TEKT1: variants seen among roughly 807,000 people sequenced by gnomAD.
The protein encoded by TEKT1 is tektin-1.
TEKT1 carries 32 observed loss-of-function variants against 34.8 expected under a neutral mutation model. The ratio of observed to expected loss-of-function variants is 0.92; its 90% confidence interval spans 0.69 to 1.23. The LOEUF (loss-of-function observed/expected upper bound fraction) is 1.23. Among genes scored for constraint, TEKT1 ranks in the 50% most tolerant of loss-of-function variants. The pLI is 0.00. For synonymous variants in TEKT1, 207 were observed against 199.8 expected, an observed-to-expected ratio of 1.04 and a Z score of -0.30; for missense variants, 492 against 518.5, an observed-to-expected ratio of 0.95 and a Z score of 0.50.
rs12103647 is a variant in TEKT1, at chr17:6,818,008, C to T, written c.356+1185G>A. Reference sequence around the variant, plus strand: ...GGAGACTGCTGCCTGGTTCCTGCAACGGGTCCTGTTTAAGCTTATGGAAGG... The same window carrying T: ...GGAGACTGCTGCCTGGTTCCTGCAATGGGTCCTGTTTAAGCTTATGGAAGG... On this transcript the variant is annotated intron_variant, in intron 3 of 7. Coordinates refer to ENST00000338694, the MANE Select transcript of TEKT1 (RefSeq NM_053285.2). 9.3e-4 allele frequency among the ~76,000 whole-genome samples: 141 copies of T among 152,146 alleles called. 2 individuals carry two copies. The highest frequency in any genetic ancestry group is 8.8e-5 in the Non-Finnish European group (6 of 68,026).
At chr17:6,806,100 C>T (rs1379481189) in intron 6 of TEKT1, among the ~76,000 whole-genome samples, 1 of 152,152 alleles carries the variant, frequency 6.6e-6, no homozygotes, top group East Asian at 1.9e-4. Context: ...GTGTGGGAGT[C>T]TAAGTCTCTT....
intron 5 of TEKT1, among the ~76,000 whole-genome samples, chr17:6,814,515 CTAACACCAGTTA>C (rs1313897433): frequency 6.6e-6 from 1 of 152,124 alleles, no homozygotes; most frequent in East Asian, 1.9e-4. Context: ...GAACATGCAG[CTAACACCAGTTA>C]TCTCAGTGGA....
chr17:6,829,680 A>G (rs1285357080), intron 2 of TEKT1, among the ~76,000 whole-genome samples: 1 of 151,938 alleles, frequency 6.6e-6, no homozygotes, highest in Non-Finnish European at 1.5e-5. Flanking sequence ...GATTACTTAT[A>G]ATACCTAATA....
At chr17:6,818,290 T>C (rs969871237) in intron 3 of TEKT1, among the ~76,000 whole-genome samples, 6 of 152,164 alleles carry the variant, frequency 3.9e-5, no homozygotes, top group Non-Finnish European at 5.9e-5. Context: ...ACAGCCAGTG[T>C]GCAGGGTGCA....
chr17:6,817,615 T>C (rs77828886), intron 3 of TEKT1, among the ~76,000 whole-genome samples: 19,434 of 152,120 alleles, frequency 0.13, 1,448 homozygotes, highest in Middle Eastern at 0.22. Context: ...CTAGCCAAGA[T>C]GCCATCCTCC....
At chr17:6,814,779 A>G (rs544106768) in intron 5 of TEKT1, among the ~76,000 whole-genome samples, 19 of 150,834 alleles carry the variant, frequency 1.3e-4, no homozygotes, top group African/African-American at 4.6e-4. Context: ...CGGAGCTTGC[A>G]GTGAGGTGAG....
At chr17:6,810,731 T>C (rs1248669598) in intron 6 of TEKT1, among the ~76,000 whole-genome samples, 1 of 151,504 alleles carries the variant, frequency 6.6e-6, no homozygotes, top group African/African-American at 2.4e-5. Context: ...GACATCTTAC[T>C]ATTTTATTTT....
In TEKT1 at chr17:6,815,979, C is replaced by T. The variant is rs1977001795; in HGVS notation, c.357-17G>A. ...CGCTTCTCCCTGGCAGGGGGAAAGG[C>T]AGCCAGTCAGCCAACACGTGCAACA... On this transcript the variant is annotated splice_polypyrimidine_tract_variant and intron_variant, in intron 3 of 7. Coordinates refer to ENST00000338694, the MANE Select transcript of TEKT1 (RefSeq NM_053285.2). 2.5e-6 allele frequency: 4 copies of T among 1,612,796 alleles called. No homozygotes were observed. The South Asian group carries it at 4.4e-5, about 18-fold the overall frequency.
chr17:6,813,772 T>C (rs1227495575), intron 5 of TEKT1, among the ~76,000 whole-genome samples: 1 of 152,130 alleles, frequency 6.6e-6, no homozygotes, highest in Non-Finnish European at 1.5e-5. Flanking sequence ...GTTCAGTTTG[T>C]GATTAGAAGC....
At chr17:6,800,692 T>C (rs1234601726) in intron 7 of TEKT1, 55 bp downstream of exon 7, 1 of 1,554,470 alleles carries the variant, frequency 6.4e-7, no homozygotes, top group African/African-American at 1.4e-5. Context: ...CTCTGCTTGA[T>C]ATCCAGGTTG....
intron 6 of TEKT1, 21 bp downstream of exon 6, chr17:6,812,810 T>C (rs1363348736): frequency 1.9e-6 from 3 of 1,605,998 alleles, no homozygotes; most frequent in Admixed American, 1.7e-5. Flanking sequence ...TCTTCTTCCA[T>C]GCTCCCTCAA....
intron 2 of TEKT1, among the ~76,000 whole-genome samples, chr17:6,829,075 T>A (rs959400173): frequency 3.9e-5 from 6 of 152,110 alleles, no homozygotes; most frequent in Non-Finnish European, 7.4e-5. Context: ...CGCTCGAACC[T>A]GGAAGGCAGA....
chr17:6,815,731 G>T, intron 4 of TEKT1, 103 bp downstream of exon 4: 1 of 1,527,348 alleles, frequency 6.5e-7, no homozygotes. Context: ...GAGCGGGAAT[G>T]TTGAACCCCT....
chr17:6,823,978 A>G (rs1176918267), intron 2 of TEKT1, among the ~76,000 whole-genome samples: 2 of 151,996 alleles, frequency 1.3e-5, no homozygotes, highest in African/African-American at 4.8e-5. Context: ...GCCCACCACC[A>G]TGCCTGGCTA....
intron 6 of TEKT1, among the ~76,000 whole-genome samples, chr17:6,803,989 C>G (rs1976812924): frequency 6.6e-6 from 1 of 152,040 alleles, no homozygotes; most frequent in Non-Finnish European, 1.5e-5. Context: ...TTTTCCAATT[C>G]AGTGAAGAAA....
At chr17:6,827,021 T>C (rs372766953) in intron 2 of TEKT1, among the ~76,000 whole-genome samples, 1 of 152,312 alleles carries the variant, frequency 6.6e-6, no homozygotes, top group East Asian at 1.9e-4. Context: ...TATGAATATC[T>C]AATTGGGCAA....
chr17:6,826,625 T>C (rs951219471), intron 2 of TEKT1, among the ~76,000 whole-genome samples: 4 of 58,934 alleles, frequency 6.8e-5, no homozygotes, highest in African/African-American at 2.3e-4. Flanking sequence ...TGCAGATAGA[T>C]AGATAGATAG....
chr17:6,811,656 T>C lies in TEKT1; in HGVS notation c.852+1175A>G, dbSNP rs922696703. On this transcript the variant is annotated intron_variant, in intron 6 of 7. Transcript: ENST00000338694. The surrounding 1 kb of genome is among the most constrained non-coding windows in gnomAD (Gnocchi z 4.4). ...TTGTCCACAACTGGACTCTGAGCTC[T>C]GGGAGGGAGTGTTCAGGATGTGGCA... Among the ~76,000 whole-genome samples the C allele has an allele frequency of 3.9e-5, 6 of 152,086 alleles. No individual in the cohort carries two copies. Among genetic ancestry groups the C allele is most frequent in the Non-Finnish European group, 4.4e-5 (3 of 68,006 alleles).
At chr17:6,820,332 T>G (rs28522007) in intron 2 of TEKT1, among the ~76,000 whole-genome samples, 7,086 of 151,992 alleles carry the variant, frequency 0.047, 528 homozygotes, top group African/African-American at 0.16. Flanking sequence ...GATTTATTAG[T>G]CACCATGAGT....
Sources: allele counts gnomAD v4.1 joint callset (sites outside exome capture counted in the v4.1 genomes callset), GRCh38; gene constraint gnomAD v4.1.1; non-coding constraint Gnocchi (gnomAD v3.1); transcripts MANE v1.5; gene names NCBI Gene and HGNC (gene_info 2026-07-23, HGNC 2026-07-21).